Variants in CNTNAP2 observed in about 807,000 individuals in gnomAD.
CNTNAP2 encodes the protein contactin-associated protein-like 2.
Under a neutral mutation model 155.2 loss-of-function variants are expected in CNTNAP2, and 98 were observed. That is an observed-to-expected ratio of 0.63 (90% confidence interval 0.54 to 0.75). The LOEUF is 0.75. CNTNAP2 is among the 30% of genes least tolerant of loss of function. The pLI, the probability that CNTNAP2 is intolerant of heterozygous loss-of-function variation, is 0.00. For missense variants in CNTNAP2, 1,727 were observed against 1,688.1 expected, an observed-to-expected ratio of 1.02 and a Z score of -0.40; for synonymous variants, 651 against 631.2, an observed-to-expected ratio of 1.03 and a Z score of -0.47.
chr7:147,241,138 A>C (rs773691839), intron 8 of CNTNAP2, among the ~76,000 whole-genome samples: 2 of 152,204 alleles, frequency 1.3e-5, no homozygotes, highest in Non-Finnish European at 2.9e-5. Flanking sequence ...ACGTTGCTTC[A>C]AGGTACAAGA....
At chr7:146,325,852 G>T (rs552859650) in intron 1 of CNTNAP2, among the ~76,000 whole-genome samples, 4 of 152,078 alleles carry the variant, frequency 2.6e-5, no homozygotes, top group African/African-American at 7.2e-5. Context: ...TTAACTTCAC[G>T]GTTAAATATG....
chr7:146,631,761 C>T (rs527302534), intron 1 of CNTNAP2, among the ~76,000 whole-genome samples: 1 of 152,278 alleles, frequency 6.6e-6, no homozygotes, highest in South Asian at 2.1e-4. Context: ...CAGTGAACTA[C>T]ATACTGGCTG....
intron 2 of CNTNAP2, among the ~76,000 whole-genome samples, chr7:146,820,345 G>A (rs1421659726): frequency 6.6e-6 from 1 of 152,092 alleles, no homozygotes; most frequent in Admixed American, 6.6e-5. Context: ...TATATAGTTA[G>A]CAATTGAATA....
At chr7:146,782,019 T>C (rs1418314921) in intron 2 of CNTNAP2, among the ~76,000 whole-genome samples, 1 of 152,194 alleles carries the variant, frequency 6.6e-6, no homozygotes, top group Non-Finnish European at 1.5e-5. Context: ...GGCGGTATTC[T>C]TAACCTTAAT....
chr7:147,057,773 A>G (rs1799589783), intron 4 of CNTNAP2, among the ~76,000 whole-genome samples: 1 of 152,192 alleles, frequency 6.6e-6, no homozygotes, highest in Admixed American at 6.5e-5. Context: ...AGGAAAATTG[A>G]CACATTGTAA....
chr7:147,543,541 G>A (rs1799676300), intron 11 of CNTNAP2, among the ~76,000 whole-genome samples: 1 of 152,060 alleles, frequency 6.6e-6, no homozygotes, highest in South Asian at 2.1e-4. Flanking sequence ...ACTTTCCTTT[G>A]TTTGTTCTGT....
At chr7:146,521,060 G>C (rs1044126348) in intron 1 of CNTNAP2, among the ~76,000 whole-genome samples, 7 of 151,956 alleles carry the variant, frequency 4.6e-5, no homozygotes, top group Non-Finnish European at 1.0e-4. Flanking sequence ...CAAGTGTGGA[G>C]ATGGGGGTGG....
At chr7:146,822,015 A>G (rs1803294989) in intron 2 of CNTNAP2, among the ~76,000 whole-genome samples, 1 of 152,104 alleles carries the variant, frequency 6.6e-6, no homozygotes, top group Non-Finnish European at 1.5e-5. Context: ...ATAAAGACAC[A>G]TGCACACGTA....
chr7:147,136,573 GCT>G (rs1801483493), intron 8 of CNTNAP2, among the ~76,000 whole-genome samples: 1 of 151,940 alleles, frequency 6.6e-6, no homozygotes, highest in Non-Finnish European at 1.5e-5. Context: ...CTGGGAGCAT[GCT>G]GGGAAATAGT....
At position 146,980,054 on chromosome 7, in the gene CNTNAP2, C is replaced by A. The variant is rs138800918; in HGVS notation, c.403-63853C>A. Among the ~76,000 whole-genome samples the A allele has an allele frequency of 2.3e-3, 350 of 152,064 alleles. 1 individual carries two copies. The highest frequency in any genetic ancestry group is 7.3e-3 in the African/African-American group (302 of 41,480). ...CCTAGTTGGTTAGTGATGCTTTTTC[C>A]ATTAGATTTGAAGTCATTGACGTTG... is the stretch of plus-strand genomic sequence containing the variant. On this transcript the variant is annotated intron_variant, in intron 3 of 23. Transcript: ENST00000361727.
At chr7:146,385,806 G>A (rs138747871) in intron 1 of CNTNAP2, among the ~76,000 whole-genome samples, 1 of 152,280 alleles carries the variant, frequency 6.6e-6, no homozygotes, top group Non-Finnish European at 1.5e-5. Context: ...ACAGTAATGG[G>A]TTGTTAACTC....
intron 14 of CNTNAP2, among the ~76,000 whole-genome samples, chr7:147,913,655 G>C (rs76013082): frequency 0.044 from 6,709 of 152,328 alleles, 255 homozygotes; most frequent in Admixed American, 0.12. Flanking sequence ...AGAAGGTACT[G>C]CACGATGGCA....
intron 1 of CNTNAP2, among the ~76,000 whole-genome samples, chr7:146,486,221 C>A (rs541135568): frequency 1.3e-5 from 2 of 151,692 alleles, no homozygotes; most frequent in African/African-American, 4.8e-5. Flanking sequence ...CCCGCCACCG[C>A]GCCCGGCTAA....
intron 1 of CNTNAP2, among the ~76,000 whole-genome samples, chr7:146,532,601 G>T (rs1563122395): frequency 6.6e-6 from 1 of 152,046 alleles, no homozygotes; most frequent in Non-Finnish European, 1.5e-5. Context: ...CGTATATTTG[G>T]AACTCATTTC....
At chr7:146,992,857 C>T (rs1419260884) in intron 3 of CNTNAP2, among the ~76,000 whole-genome samples, 29 of 152,166 alleles carry the variant, frequency 1.9e-4, no homozygotes, top group Non-Finnish European at 2.6e-4. Flanking sequence ...CAAATTAATG[C>T]TTTATCTCCT....
At chr7:148,364,683 A>T (rs1798701176) in intron 21 of CNTNAP2, among the ~76,000 whole-genome samples, 1 of 152,202 alleles carries the variant, frequency 6.6e-6, no homozygotes, top group Non-Finnish European at 1.5e-5. Context: ...TATCTAGCTC[A>T]GGGATTGTAA....
chr7:146,184,128 A>G (rs1448695047), intron 1 of CNTNAP2, among the ~76,000 whole-genome samples: 1 of 152,126 alleles, frequency 6.6e-6, no homozygotes, highest in Non-Finnish European at 1.5e-5. Context: ...CGAACCAACT[A>G]CTCAGTATGC....
At chr7:148,034,479 G>C (rs1379536819) in intron 15 of CNTNAP2, among the ~76,000 whole-genome samples, 1 of 152,162 alleles carries the variant, frequency 6.6e-6, no homozygotes, top group Non-Finnish European at 1.5e-5. Context: ...ATAAAAGCAT[G>C]AGTTTGACCC....
chr7:146,732,406 T>C (rs1801541509), intron 1 of CNTNAP2, among the ~76,000 whole-genome samples: 1 of 152,162 alleles, frequency 6.6e-6, no homozygotes, highest in Non-Finnish European at 1.5e-5. Flanking sequence ...TCCTTGCTGC[T>C]AACCAGTAAG....
Sources: gnomAD v4.1 joint callset for allele counts (sites outside exome capture counted in the v4.1 genomes callset) on GRCh38, gnomAD v4.1.1 for gene constraint, MANE v1.5 for transcripts, NCBI Gene and HGNC (gene_info 2026-07-23, HGNC 2026-07-21) for gene names.